Variants in CD163L1 observed in about 807,000 individuals in gnomAD.
CD163L1 encodes CD163 molecule like 1.
Under a neutral mutation model 165.4 loss-of-function variants are expected in CD163L1, and 124 were observed. That is an observed-to-expected ratio of 0.75 (90% CI 0.65 to 0.87). The LOEUF (loss-of-function observed/expected upper bound fraction) is 0.87. Ranked by LOEUF, CD163L1 falls within the 40% of genes least tolerant of loss-of-function variation. CD163L1 has a pLI of 0.00. For missense variants in CD163L1, 1,525 were observed against 1,799.9 expected (o/e 0.85, Z 2.76); for synonymous variants, 585 against 662.2 (o/e 0.88, Z 1.79).
rs779795254 is a variant in CD163L1 at position 7,406,778 on chromosome 12, C to G, written c.841G>C (p.Gly281Arg). 2 of 1,613,956 alleles carry G rather than the reference C, an allele frequency of 1.2e-6. No homozygotes were observed. The highest frequency in any genetic ancestry group is 2.2e-5 in the South Asian group (2 of 91,064). Residue 281 changes from glycine (G) to arginine (R), a missense_variant, in exon 5 of 20, where the codon GGA becomes CGA. Physicochemically the swap from Gly to Arg is moderately radical, Grantham distance 125. Transcript: ENST00000313599. ...TGGTGGCATACGGTCCCCCACCTTC[C>G]TTGGATTTTCAGCTCTACTCTCCCC... ...CMGRVELKIQ[G>R]RWGTVCHHKW...
At chr12:7,441,354 T>C in intron 1 of CD163L1, 108 bp from the exon 2 acceptor site, 1 of 770,092 alleles carries the variant, frequency 1.3e-6, no homozygotes, top group Admixed American at 2.4e-5. Flanking sequence ...AGATGAATTA[T>C]TCTTCCACCT....
intron 4 of CD163L1, among the ~76,000 whole-genome samples, chr12:7,421,715 A>G (rs886626805): frequency 3.7e-5 from 5 of 134,618 alleles, no homozygotes; most frequent in Admixed American, 8.5e-5. Context: ...ACATAAATAC[A>G]TATACGTATA....
At position 7,369,508 on chromosome 12, in the gene CD163L1, C is replaced by A. The variant is rs939252960; in HGVS notation, c.3888G>T (p.Leu1296=). The A allele has an allele frequency of 2.5e-6, 4 of 1,614,182 alleles. No homozygotes were observed. The highest frequency in any genetic ancestry group is 3.4e-6 in the Non-Finnish European group (4 of 1,180,026). Residue 1296 remains leucine, a synonymous_variant, in exon 15 of 20, where the codon CTG becomes CTT. Coordinates refer to ENST00000313599, the MANE Select transcript of CD163L1 (RefSeq NM_174941.6). The surrounding 1 kb of genome is among the most constrained non-coding windows in gnomAD (Gnocchi z 4.9). ...TTCCCTGGCCAAACGAAGCGTCCCT[C>A]AGGGCAGCCAGAGCAGAGCCACAGC... ...QLGCGSALAA[L]RDASFGQGTG...
At chr12:7,335,116 T>TTC in the CD163L1 span, among the ~76,000 whole-genome samples, 2 of 152,180 alleles carry the variant, frequency 1.3e-5, no homozygotes, top group Non-Finnish European at 2.9e-5. Flanking sequence ...ACCAATGACT[T>TTC]TCTTCACGGA....
chr12:7,390,017 A>G (rs761359587), intron 8 of CD163L1, among the ~76,000 whole-genome samples: 1 of 148,758 alleles, frequency 6.7e-6, no homozygotes, highest in African/African-American at 2.5e-5. Flanking sequence ...TCAGTCCTAA[A>G]AAAGAATGAA....
chr12:7,360,571 T>A (rs1484276076), intron 18 of CD163L1, among the ~76,000 whole-genome samples: 2 of 152,174 alleles, frequency 1.3e-5, no homozygotes, highest in Admixed American at 1.3e-4. Flanking sequence ...TTTTCTGTTA[T>A]CTCCTTTCTG....
At chr12:7,346,655 A>C (rs750508212), downstream of CD163L1, 2 of 152,340 alleles carry the variant, frequency 1.3e-5, no homozygotes, top group African/African-American at 4.8e-5. Context: ...CAGACAACAA[A>C]CAAAGAGACA....
chr12:7,374,447 C>G lies in CD163L1; in HGVS notation c.3404G>C (p.Cys1135Ser), dbSNP rs780168271. 1 of 1,610,086 alleles carries G rather than the reference C, an allele frequency of 6.2e-7. No individual in the cohort carries two copies. The highest frequency in any genetic ancestry group is 8.5e-7 in the Non-Finnish European group (1 of 1,178,080). ...CRHKEDAGVI[C>S]SEFTALRLYS... ...GAAAAGGTAGCAGCACAGACCTGAG[C>G]AGATGACCCCTGCGTCCTCCTTGTG... The change falls in exon 13 of 20, where the codon TGC becomes TCC. Residue 1135 changes from cysteine (C) to serine (S), a missense_variant. Transcript: ENST00000313599. This position sits in a 1 kb window ranked among gnomAD's most constrained non-coding sequence, Gnocchi z 5.4.
In CD163L1 at chr12:7,433,434, G is replaced by T; in HGVS notation, c.385C>A (p.His129Asn). The change falls in exon 3 of 20, where the codon CAC becomes AAC. Residue 129 changes from histidine (H) to asparagine (N), a missense_variant. His to Asn is a moderately conservative substitution (Grantham distance 68). Transcript: ENST00000313599. ...GNESALWECQHREWGSHNCYH... is the reference protein window; with the variant it reads ...GNESALWECQNREWGSHNCYH... ...CAGTTATGGCTTCCCCATTCCCGGT[G>T]TTGACATTCCCAGAGAGCTGACTCA... The T allele has an allele frequency of 6.2e-7, 1 of 1,613,298 alleles. No individual in the cohort carries two copies. The highest frequency in any genetic ancestry group is 1.1e-5 in the South Asian group (1 of 90,926).
rs1419638851 is a variant in CD163L1 at position 7,403,855 on chromosome 12, T to C, written c.1088A>G (p.Asp363Gly). The C allele has an allele frequency of 5.6e-6, 9 of 1,611,536 alleles. No homozygotes were observed. In the Middle Eastern group the frequency reaches 6.6e-4, roughly 118 times the overall value. Residue 363 changes from aspartate to glycine, a missense_variant and splice_region_variant, in exon 6 of 20, where the codon GAT becomes GGT. Asp to Gly is a moderately conservative substitution (Grantham distance 94). Transcript: ENST00000313599. Reference protein sequence around the residue: ...HQNDVSVICSDGADLELRLAD... With the variant: ...HQNDVSVICSGGADLELRLAD... ...TAGTCGCAGTTCCAAATCTGCTCCA[T>C]CTAGGATGAAGTCACAGAGAAACGT...
At chr12:7,331,750 C>G in the CD163L1 span, among the ~76,000 whole-genome samples, 2 of 152,184 alleles carry the variant, frequency 1.3e-5, no homozygotes, top group African/African-American at 2.4e-5. Context: ...AACTAACAAA[C>G]AGAAAGGACA....
chr12:7,349,476 C>T (rs7488677), intron 4 of CD163L1, among the ~76,000 whole-genome samples: 14,267 of 152,054 alleles, frequency 0.094, 790 homozygotes, highest in East Asian at 0.16. Context: ...GTTAAATTAT[C>T]CTAGTAATGG....
At chr12:7,421,450 T>TATGTACATATATACATATATAC (rs1565809899) in intron 4 of CD163L1, among the ~76,000 whole-genome samples, 13 of 114,468 alleles carry the variant, frequency 1.1e-4, no homozygotes, top group Admixed American at 1.8e-4. Context: ...CATATACATA[T>TATGTACATATATACATATATAC]ATGTACATAT....
the CD163L1 span, among the ~76,000 whole-genome samples, chr12:7,330,579 T>G: frequency 6.6e-6 from 1 of 152,204 alleles, no homozygotes; most frequent in Non-Finnish European, 1.5e-5. Flanking sequence ...TAACTAGGGC[T>G]GAGTTCACTC....
chr12:7,332,588 G>C, the CD163L1 span, among the ~76,000 whole-genome samples: 1 of 152,232 alleles, frequency 6.6e-6, no homozygotes, highest in African/African-American at 2.4e-5. Context: ...TGATCTCTCA[G>C]CAGAAACTCT....
intron 8 of CD163L1, among the ~76,000 whole-genome samples, chr12:7,394,631 G>A (rs996030295): frequency 6.6e-6 from 1 of 152,086 alleles, no homozygotes; most frequent in Non-Finnish European, 1.5e-5. Context: ...CACAGCAAAA[G>A]AAACTATCAT....
downstream of CD163L1, among the ~76,000 whole-genome samples, chr12:7,344,612 G>C (rs760570122): frequency 1.3e-5 from 2 of 152,320 alleles, no homozygotes; most frequent in Non-Finnish European, 2.9e-5. Context: ...TGGGGAGTCT[G>C]TGTGGGACAT....
At chr12:7,426,015 A>G (rs964528964) in intron 4 of CD163L1, among the ~76,000 whole-genome samples, 1 of 152,214 alleles carries the variant, frequency 6.6e-6, no homozygotes, top group Admixed American at 6.5e-5. Context: ...AGTACTATTT[A>G]CAAAAGCAAA....
chr12:7,344,462 G>A (rs1946656359), downstream of CD163L1, among the ~76,000 whole-genome samples: 1 of 152,196 alleles, frequency 6.6e-6, no homozygotes, highest in African/African-American at 2.4e-5. Context: ...ACTGGTACAA[G>A]GGGTAGGCTT....
Sources: gnomAD v4.1 joint callset for allele counts (sites outside exome capture counted in the v4.1 genomes callset) on GRCh38, gnomAD v4.1.1 for gene constraint, Gnocchi (gnomAD v3.1) non-coding constraint, MANE v1.5 for transcripts, NCBI Gene and HGNC (gene_info 2026-07-23, HGNC 2026-07-21) for gene names.